The following ZNF496 variants were observed in gnomAD, a reference collection of about 807,000 sequenced individuals.
ZNF496 encodes zinc finger protein 496.
In ZNF496, 11 loss-of-function variants were observed where a neutral mutation model predicts 58.9. The ratio of observed to expected loss-of-function variants is 0.19; its 90% CI spans 0.12 to 0.31. The LOEUF is 0.31. ZNF496 is among the 10% of genes least tolerant of loss of function. The pLI, the probability that ZNF496 is intolerant of heterozygous loss-of-function variation, is 1.00. For synonymous variants in ZNF496, 338 were observed against 318.2 expected (o/e 1.06, Z -0.66); for missense variants, 660 against 783.0 (o/e 0.84, Z 1.88).
chr1:247,306,311 C>T (rs971570907), intron 9 of ZNF496, among the ~76,000 whole-genome samples: 2 of 152,084 alleles, frequency 1.3e-5, no homozygotes, highest in Non-Finnish European at 2.9e-5. Context: ...TTCTCTCTGC[C>T]TCAGCCTCCC....
chr1:247,307,977 G>A (rs1199186017), intron 9 of ZNF496: 1 of 985,278 alleles, frequency 1.0e-6, no homozygotes, highest in East Asian at 1.1e-4. Flanking sequence ...CCAGAAACCT[G>A]CTCTTTAATC....
rs140442193 is a variant in ZNF496, at chr1:247,317,218, A to G, written c.651+5936T>C. ...GCAGAATGGCCAGGGACCTTGGAAC[A>G]GTATGTGCTAAGTTCACTGGTTTTT... On this transcript the variant is annotated intron_variant, in intron 6 of 9. Coordinates refer to ENST00000682384, the MANE Select transcript of ZNF496 (RefSeq NM_032752.3). 2.2e-3 allele frequency among the ~76,000 whole-genome samples: 336 copies of G among 152,274 alleles called. 4 individuals carry two copies. The highest frequency in any genetic ancestry group is 7.9e-3 in the African/African-American group (329 of 41,546).
intron 6 of ZNF496, among the ~76,000 whole-genome samples, chr1:247,316,215 G>GA (rs1659769034): frequency 6.1e-5 from 1 of 16,396 alleles, no homozygotes; most frequent in Non-Finnish European, 2.4e-4. Flanking sequence ...GCGCGCGTGC[G>GA]CGTGTGTGTG....
intron 6 of ZNF496, among the ~76,000 whole-genome samples, chr1:247,316,712 G>C (rs1190445073): frequency 6.6e-6 from 1 of 152,124 alleles, no homozygotes; most frequent in African/African-American, 2.4e-5. Flanking sequence ...GACAGTCAAG[G>C]CATCACAGAA....
chr1:247,329,404 C>A lies in ZNF496; in HGVS notation c.175G>T (p.Ala59Ser), dbSNP rs772310743. 2 of 1,613,052 alleles carry A rather than the reference C, an allele frequency of 1.2e-6. No homozygotes were observed. The highest frequency in any genetic ancestry group is 1.7e-6 in the Non-Finnish European group (2 of 1,179,766). Residue 59 changes from alanine to serine, a missense_variant, in exon 4 of 10, where the codon GCC becomes TCC. Ala to Ser is a moderately conservative substitution (Grantham distance 99). Transcript: ENST00000682384. The surrounding 1 kb of genome is among the most constrained non-coding windows in gnomAD (Gnocchi z 5.5). ...RYQEAAGPRE[A>S]LQRLWDLCGG... The stretch of plus-strand genomic sequence containing the variant: ...CACAGGTCCCAGAGGCGCTGCAGGG[C>A]CTCCCGGGGGCCCGCCGCCTCCTGG...
chr1:247,301,122 G>C lies in ZNF496; in HGVS notation c.1161C>G (p.Ala387=). The C allele has an allele frequency of 6.2e-7, 1 of 1,613,790 alleles. No homozygotes were observed. Among genetic ancestry groups the C allele is most frequent in the Non-Finnish European group, 8.5e-7 (1 of 1,180,008 alleles). Residue 387 remains alanine (A), a synonymous_variant, in exon 10 of 10, where the codon GCC becomes GCG. Transcript: ENST00000682384. ...CGGCCTCGGTGCTGCTCCGGTGGGA[G>C]GCGGGGAGGCTGCGCTGCTTCTCTG... The part of the protein sequence containing the change: ...SPTEKQRSLP[A]SHRSSTEAGG...
At chr1:247,304,843 T>C in intron 9 of ZNF496, among the ~76,000 whole-genome samples, 1 of 149,774 alleles carries the variant, frequency 6.7e-6, no homozygotes, top group East Asian at 2.0e-4. Flanking sequence ...TGCCTCAGGA[T>C]GAATCATACT....
At chr1:247,305,830 A>T (rs1431288454) in intron 9 of ZNF496, among the ~76,000 whole-genome samples, 2 of 152,244 alleles carry the variant, frequency 1.3e-5, no homozygotes, top group Non-Finnish European at 2.9e-5. Flanking sequence ...TAGTCTCCCC[A>T]GCTATTTGGG....
Position 247,308,459 on chromosome 1 carries a change from C to T in ZNF496, c.1006+16G>A, listed in dbSNP as rs1054714307. The T allele has an allele frequency of 4.3e-6, 7 of 1,611,728 alleles. No individual in the cohort carries two copies. Among genetic ancestry groups the T allele is most frequent in the Non-Finnish European group, 5.9e-6 (7 of 1,177,922 alleles). On this transcript the variant is annotated intron_variant, in intron 9 of 9. Coordinates refer to ENST00000682384, the MANE Select transcript of ZNF496 (RefSeq NM_032752.3). This position sits in a 1 kb window ranked among gnomAD's most constrained non-coding sequence, Gnocchi z 4.5. ...ACACACAGGGACAAACCCATACCTC[C>T]CTGACCCTTCTTTACCTGGGTAGGT...
rs1027161887 is a variant in ZNF496, at chr1:247,307,394, A to G, written c.1006+1081T>C. The G allele has an allele frequency of 1.7e-5, 17 of 985,354 alleles. No individual in the cohort carries two copies. The South Asian group carries it at 6.1e-4, about 35-fold the overall frequency. The allele number at this position is 985,354 out of a possible 1,614,324, so 61.0% of individuals were successfully genotyped here. ...AGTTGAAAACTCCTGTGTATAAATG[A>G]ACATCCATCCATCTTCTAAAAGTAT... On this transcript the variant is annotated intron_variant, in intron 9 of 9. Coordinates refer to ENST00000682384, the MANE Select transcript of ZNF496 (RefSeq NM_032752.3).
At chr1:247,324,877 C>G (rs529976360) in intron 5 of ZNF496, among the ~76,000 whole-genome samples, 145 of 152,310 alleles carry the variant, frequency 9.5e-4, no homozygotes, top group African/African-American at 3.3e-3. Context: ...ATCTCACCAG[C>G]CTTATTTTGG....
At chr1:247,302,274 T>C (rs1168654958) in intron 9 of ZNF496, among the ~76,000 whole-genome samples, 1 of 150,962 alleles carries the variant, frequency 6.6e-6, no homozygotes, top group South Asian at 2.1e-4. Flanking sequence ...ACAGGAGAAG[T>C]TGGACAAACA....
At chr1:247,316,212 T>TGC (rs1194958412) in intron 6 of ZNF496, among the ~76,000 whole-genome samples, 3 of 17,328 alleles carry the variant, frequency 1.7e-4, no homozygotes, top group African/African-American at 2.3e-4. Context: ...TGCGCGCGCG[T>TGC]GCGCGTGTGT....
At chr1:247,311,431 AC>A (rs1659599421) in intron 6 of ZNF496, 1 of 4,400 alleles carries the variant, frequency 2.3e-4, no homozygotes, top group East Asian at 0.25. Context: ...ACACACAGAG[AC>A]ACACACACAC....
At chr1:247,322,352 T>C (rs11804535) in intron 6 of ZNF496, among the ~76,000 whole-genome samples, 3,210 of 152,302 alleles carry the variant, frequency 0.021, 109 homozygotes, top group African/African-American at 0.072. Context: ...GCTTCCGACA[T>C]TCTGCTGAGA....
chr1:247,300,951 G>C lies in ZNF496; in HGVS notation c.1332C>G (p.Phe444Leu), dbSNP rs763457827. The C allele has an allele frequency of 1.2e-6, 2 of 1,613,956 alleles. No individual in the cohort carries two copies. Among genetic ancestry groups the C allele is most frequent in the Non-Finnish European group, 1.7e-6 (2 of 1,180,026 alleles). The change falls in exon 10 of 10, where the codon TTC becomes TTG. Residue 444 changes from phenylalanine (F) to leucine (L), a missense_variant. Physicochemically the swap from Phe to Leu is conservative, Grantham distance 22. Transcript: ENST00000682384. This position sits in a 1 kb window ranked among gnomAD's most constrained non-coding sequence, Gnocchi z 5.7. ...GCCCATCCAGGTCCTCGCTGTCGCTGAACAGCTCCCCGCACACCGAGCACT... is the reference window on the plus strand; with the variant it reads ...GCCCATCCAGGTCCTCGCTGTCGCTCAACAGCTCCCCGCACACCGAGCACT... The part of the protein sequence containing the change: ...PHECSVCGEL[F>L]SDSEDLDGHL...
chr1:247,305,963 T>C (rs1331995527), intron 9 of ZNF496, among the ~76,000 whole-genome samples: 1 of 152,084 alleles, frequency 6.6e-6, no homozygotes, highest in African/African-American at 2.4e-5. Context: ...GCAAGACACA[T>C]AAACAAAGTT....
At chr1:247,307,957 C>T (rs1344928480) in intron 9 of ZNF496, 1 of 985,318 alleles carries the variant, frequency 1.0e-6, no homozygotes, top group African/African-American at 1.7e-5. Flanking sequence ...TCCTGTGCAG[C>T]TTCAGTATGC....
intron 5 of ZNF496, among the ~76,000 whole-genome samples, chr1:247,327,608 T>G (rs988514701): frequency 7.2e-5 from 11 of 152,230 alleles, no homozygotes; most frequent in African/African-American, 2.4e-4. Flanking sequence ...CTGAAGAGTT[T>G]ATGTGATTTG....
Sources: gnomAD v4.1 joint callset for allele counts (sites outside exome capture counted in the v4.1 genomes callset) on GRCh38, gnomAD v4.1.1 for gene constraint, Gnocchi (gnomAD v3.1) non-coding constraint, MANE v1.5 for transcripts, NCBI Gene and HGNC (gene_info 2026-07-23, HGNC 2026-07-21) for gene names.